The following NEDD4L variants were observed in gnomAD, a reference collection of about 807,000 sequenced individuals.
The protein encoded by NEDD4L is E3 ubiquitin-protein ligase NEDD4-like.
Under a neutral mutation model 148.9 loss-of-function variants are expected in NEDD4L, and 54 were observed. That is an observed-to-expected ratio of 0.36 (90% CI 0.29 to 0.45). NEDD4L has a LOEUF of 0.45. Among genes scored for constraint, NEDD4L ranks in the 20% least tolerant of loss-of-function variants. NEDD4L has a pLI of 1.00. For synonymous variants in NEDD4L, 433 were observed against 440.7 expected, an observed-to-expected ratio of 0.98 and a Z score of 0.22; for missense variants, 856 against 1,233.8, an observed-to-expected ratio of 0.69 and a Z score of 4.59.
At chr18:58,315,657 C>A (rs1397628072) in intron 5 of NEDD4L, among the ~76,000 whole-genome samples, 1 of 152,148 alleles carries the variant, frequency 6.6e-6, no homozygotes, top group Non-Finnish European at 1.5e-5. Context: ...TGTTTGCCAT[C>A]TTCTCTTTCA....
intron 1 of NEDD4L, 50 bp from the exon 2 acceptor site, chr18:58,165,738 T>C (rs1274751364): frequency 5.3e-6 from 8 of 1,514,190 alleles, no homozygotes; most frequent in African/African-American, 1.4e-5. Context: ...GAGAGAGTGA[T>C]TGATTGAAGA....
chr18:58,195,920 AGGC>A lies in NEDD4L; in HGVS notation c.122+30063_122+30065del, dbSNP rs1373281235. ...ATTTTTTGCATGCTTCAAAATCAAA[AGGC>A]GGCACAGTGAAAACATTTTAATTAT... is the stretch of plus-strand genomic sequence containing the variant. On this transcript the variant is annotated intron_variant, in intron 2 of 30. Coordinates refer to ENST00000400345, the MANE Select transcript of NEDD4L (RefSeq NM_001144967.3). Among the ~76,000 whole-genome samples, 3 of 152,228 alleles carry A rather than the reference AGGC, an allele frequency of 2.0e-5. No homozygotes were observed. The South Asian group carries it at 6.2e-4, about 32-fold the overall frequency.
intron 1 of NEDD4L, among the ~76,000 whole-genome samples, chr18:58,094,852 G>A (rs1468742765): frequency 6.6e-6 from 1 of 150,478 alleles, no homozygotes; most frequent in Admixed American, 6.7e-5. Flanking sequence ...CTAAGAAATA[G>A]GTAGGCTGTA....
chr18:58,286,489 G>C (rs960791770), intron 5 of NEDD4L, among the ~76,000 whole-genome samples: 1 of 152,170 alleles, frequency 6.6e-6, no homozygotes, highest in Non-Finnish European at 1.5e-5. Flanking sequence ...ATAAGCGTCT[G>C]TATTAATGGG....
chr18:58,276,239 GAC>G (rs1467170143), intron 5 of NEDD4L, among the ~76,000 whole-genome samples: 2 of 130,294 alleles, frequency 1.5e-5, no homozygotes, highest in Admixed American at 1.6e-4. Context: ...GGTTTTCTGA[GAC>G]GGAGTCTCAC....
At chr18:58,384,080 C>T (rs1169340439) in intron 25 of NEDD4L, among the ~76,000 whole-genome samples, 1 of 152,178 alleles carries the variant, frequency 6.6e-6, no homozygotes, top group African/African-American at 2.4e-5. Flanking sequence ...CTGAGTTCCT[C>T]GTTTGCATTC....
At chr18:58,383,219 A>C in intron 24 of NEDD4L, 27 bp from the exon 25 acceptor site, 1 of 1,189,984 alleles carries the variant, frequency 8.4e-7, no homozygotes, top group Non-Finnish European at 1.2e-6. Context: ...CGTGATAGTA[A>C]TTGTTGTTTT....
At chr18:58,245,834 C>T (rs1386583240) in intron 3 of NEDD4L, among the ~76,000 whole-genome samples, 2 of 149,890 alleles carry the variant, frequency 1.3e-5, no homozygotes, top group Non-Finnish European at 3.0e-5. Flanking sequence ...GCACCTGTCA[C>T]CATGCCTGGC....
intron 19 of NEDD4L, among the ~76,000 whole-genome samples, chr18:58,362,989 C>A (rs1164496249): frequency 6.6e-6 from 1 of 152,128 alleles, no homozygotes; most frequent in Non-Finnish European, 1.5e-5. Context: ...GATGTGAGGT[C>A]AAATCTGTTG....
chr18:58,379,368 C>T (rs954559988), intron 24 of NEDD4L, among the ~76,000 whole-genome samples: 42 of 152,246 alleles, frequency 2.8e-4, no homozygotes, highest in African/African-American at 8.9e-4. Flanking sequence ...GCCCCGATTT[C>T]TCCCACTTAG....
intron 3 of NEDD4L, 68 bp downstream of exon 3, chr18:58,245,576 C>CCTG: frequency 1.3e-6 from 1 of 779,570 alleles, no homozygotes. Context: ...CAGTCATGTG[C>CCTG]TGCTTAACAC....
At chr18:58,051,016 G>C (rs991505847) in intron 1 of NEDD4L, among the ~76,000 whole-genome samples, 14 of 152,272 alleles carry the variant, frequency 9.2e-5, no homozygotes, top group Admixed American at 2.0e-4. Context: ...AATAATCTTG[G>C]GGGGCCGAGG....
chr18:58,082,098 A>C (rs868277408), intron 1 of NEDD4L, among the ~76,000 whole-genome samples: 1 of 73,284 alleles, frequency 1.4e-5, no homozygotes, highest in Admixed American at 1.3e-4. Context: ...ATATATATAT[A>C]TATATTTTTT....
chr18:58,388,963 G>A, intron 27 of NEDD4L, 122 bp from the exon 28 acceptor site: 1 of 755,490 alleles, frequency 1.3e-6, no homozygotes, highest in East Asian at 2.7e-5. Flanking sequence ...CTGTTGTTAT[G>A]ATTTGCTAGC....
intron 1 of NEDD4L, among the ~76,000 whole-genome samples, chr18:58,140,473 C>T (rs1257150238): frequency 6.6e-6 from 1 of 150,906 alleles, no homozygotes; most frequent in Non-Finnish European, 1.5e-5. Flanking sequence ...ATTCTTTTGT[C>T]CATTTCTGAG....
intron 1 of NEDD4L, among the ~76,000 whole-genome samples, chr18:58,114,001 C>G (rs2085594932): frequency 6.6e-6 from 1 of 152,186 alleles, no homozygotes; most frequent in East Asian, 1.9e-4. Flanking sequence ...TGTGCGCTCT[C>G]ATACCAGCCG....
intron 16 of NEDD4L, among the ~76,000 whole-genome samples, chr18:58,348,105 T>G (rs1221435677): frequency 6.6e-6 from 1 of 151,772 alleles, no homozygotes; most frequent in Admixed American, 6.6e-5. Flanking sequence ...GCTCAGGTGA[T>G]CCTCCCACCT....
intron 5 of NEDD4L, among the ~76,000 whole-genome samples, chr18:58,276,121 G>C (rs943171099): frequency 6.0e-5 from 9 of 151,082 alleles, no homozygotes; most frequent in African/African-American, 2.2e-4. Context: ...GGTCTCATTT[G>C]CAGTTTTTAA....
At chr18:58,319,123 C>A (rs533749479) in intron 6 of NEDD4L, among the ~76,000 whole-genome samples, 2 of 152,284 alleles carry the variant, frequency 1.3e-5, no homozygotes, top group East Asian at 3.9e-4. Context: ...CTCATGAGTG[C>A]AGAATTCAAA....
Sources: gnomAD v4.1 joint callset for allele counts (sites outside exome capture counted in the v4.1 genomes callset) on GRCh38, gnomAD v4.1.1 for gene constraint, MANE v1.5 for transcripts, NCBI Gene and HGNC (gene_info 2026-07-23, HGNC 2026-07-21) for gene names.